The following PNOC variants were observed in gnomAD, a reference collection of about 807,000 sequenced individuals.
PNOC encodes nociceptin.
A neutral mutation model predicts 15.6 loss-of-function variants in PNOC; 10 were observed. The ratio of observed to expected loss-of-function variants is 0.64; its 90% CI spans 0.40 to 1.09. The LOEUF is 1.09. PNOC is among the 50% of genes least tolerant of loss of function. PNOC has a pLI of 0.01. For synonymous variants in PNOC, 98 were observed against 88.5 expected (o/e 1.11, Z -0.60); for missense variants, 220 against 223.9 (o/e 0.98, Z 0.11).
chr8:28,336,125 T>C (rs1318712248), intron 2 of PNOC, among the ~76,000 whole-genome samples: 1 of 152,182 alleles, frequency 6.6e-6, no homozygotes, highest in African/African-American at 2.4e-5. Flanking sequence ...CATTCCCTTC[T>C]TTTATACTCT....
At chr8:28,333,922 G>C (rs1801370087) in intron 2 of PNOC, among the ~76,000 whole-genome samples, 1 of 152,138 alleles carries the variant, frequency 6.6e-6, no homozygotes, top group Non-Finnish European at 1.5e-5. Flanking sequence ...CATCCCTGTT[G>C]ACTTTGTAGA....
At chr8:28,330,391 A>ATTTTTTTTTTTT (rs200641227) in intron 2 of PNOC, among the ~76,000 whole-genome samples, 13 of 76,080 alleles carry the variant, frequency 1.7e-4, no homozygotes, top group Admixed American at 3.3e-4. Flanking sequence ...ATTTTATTTT[A>ATTTTTTTTTTTT]TTTTATTTTT....
chr8:28,342,587 T>C (rs1011192654), intron 3 of PNOC, among the ~76,000 whole-genome samples: 2 of 152,182 alleles, frequency 1.3e-5, no homozygotes, highest in Admixed American at 1.3e-4. Flanking sequence ...AGGTTATCAG[T>C]GCCATCAGGC....
rs1339728877 is a variant in PNOC at position 28,328,062 on chromosome 8, T to C, written c.-23-1073T>C. On this transcript the variant is annotated intron_variant, in intron 1 of 3. Transcript: ENST00000301908. ...CAAAGGTTCCATCTCTCTCTCTCTT[T>C]TTTTTTTTTTTTTTTTTTTTTTTGA... is the stretch of plus-strand genomic sequence containing the variant. Among the ~76,000 whole-genome samples the C allele has an allele frequency of 4.7e-3, 201 of 43,040 alleles. 1 individual carries two copies. The highest frequency in any genetic ancestry group is 0.017 in the South Asian group (14 of 804). 28.2% of individuals were successfully genotyped at this position (43,040 alleles called of 152,430 possible).
chr8:28,339,200 G>A lies in PNOC; in HGVS notation c.287G>A (p.Arg96Gln). The change falls in exon 3 of 4, where the codon CGG (arginine) becomes CAG (glutamine). Residue 96 changes from arginine to glutamine, a missense_variant. Transcript: ENST00000301908. ...QPRASEMQHL[R>Q]RMPRVRSLFQ... ...AGAGCTTCGGAGATGCAGCATCTGCGGCGAATGCCCCGAGTCCGGAGCTTG... is the reference window on the plus strand; with the variant it reads ...AGAGCTTCGGAGATGCAGCATCTGCAGCGAATGCCCCGAGTCCGGAGCTTG... 3 of 1,613,332 alleles carry A rather than the reference G, an allele frequency of 1.9e-6. No homozygotes were observed. The highest frequency in any genetic ancestry group is 2.5e-6 in the Non-Finnish European group (3 of 1,179,270).
intron 2 of PNOC, among the ~76,000 whole-genome samples, chr8:28,336,805 A>G (rs1400417170): frequency 2.6e-5 from 4 of 151,986 alleles, no homozygotes; most frequent in African/African-American, 9.7e-5. Context: ...CCTAAGAGGC[A>G]CTTAGGCGGT....
chr8:28,339,267 T>C lies in PNOC; in HGVS notation c.354T>C (p.Ala118=), dbSNP rs1282316973. ...AGCCCGAGCCTGGCATGGAGGAGGC[T>C]GGTGAGATGGAGCAGAAGCAGCTGC... ...QEEPEPGMEE[A]GEMEQKQLQK... The change falls in exon 3 of 4, where the codon GCT becomes GCC. Residue 118 remains alanine (A), a synonymous_variant. Transcript: ENST00000301908. 2 of 1,608,318 alleles carry C rather than the reference T, an allele frequency of 1.2e-6. No individual in the cohort carries two copies. Among genetic ancestry groups the C allele is most frequent in the Non-Finnish European group, 1.7e-6 (2 of 1,175,276 alleles).
intron 2 of PNOC, among the ~76,000 whole-genome samples, chr8:28,334,039 A>T (rs1801371636): frequency 6.8e-6 from 1 of 146,958 alleles, no homozygotes. Flanking sequence ...CCTGGCCTCT[A>T]GGTGCCAGTA....
At chr8:28,332,771 C>T (rs1027602872) in intron 2 of PNOC, among the ~76,000 whole-genome samples, 7 of 152,008 alleles carry the variant, frequency 4.6e-5, no homozygotes, top group African/African-American at 1.5e-4. Context: ...GCCAACAAGG[C>T]GAAACCCTGT....
intron 2 of PNOC, among the ~76,000 whole-genome samples, chr8:28,331,374 C>T (rs1227856265): frequency 3.3e-5 from 5 of 152,146 alleles, no homozygotes; most frequent in South Asian, 2.1e-4. Flanking sequence ...AGCCCTCTCT[C>T]GGTCCATGTG....
chr8:28,324,275 A>C (rs1162604708), intron 1 of PNOC, among the ~76,000 whole-genome samples: 1 of 152,236 alleles, frequency 6.6e-6, no homozygotes, highest in African/African-American at 2.4e-5. Context: ...GGCAAGCATC[A>C]GTCAAACCAG....
chr8:28,326,923 A>G (rs547031867), intron 1 of PNOC, among the ~76,000 whole-genome samples: 81 of 152,310 alleles, frequency 5.3e-4, no homozygotes, highest in African/African-American at 1.8e-3. Flanking sequence ...GTGAGGCCCA[A>G]GAGTCTGCAT....
At chr8:28,318,943 A>G (rs995203655) in intron 1 of PNOC, among the ~76,000 whole-genome samples, 1 of 152,228 alleles carries the variant, frequency 6.6e-6, no homozygotes, top group Non-Finnish European at 1.5e-5. Flanking sequence ...CCTGGAGCCT[A>G]TGACAAGAGC....
intron 1 of PNOC, among the ~76,000 whole-genome samples, chr8:28,317,958 A>G (rs1375991396): frequency 3.3e-5 from 5 of 152,148 alleles, no homozygotes; most frequent in African/African-American, 9.7e-5. Flanking sequence ...TGTGAATTCC[A>G]GAGAGCATTT....
At chr8:28,342,327 C>T (rs1801534260) in intron 3 of PNOC, among the ~76,000 whole-genome samples, 1 of 139,554 alleles carries the variant, frequency 7.2e-6, no homozygotes, top group African/African-American at 2.7e-5. Flanking sequence ...GCACTCCAGC[C>T]TGGGCAACAA....
chr8:28,321,206 ATTTTTTTT>A (rs34876674), intron 1 of PNOC, among the ~76,000 whole-genome samples: 1 of 122,792 alleles, frequency 8.1e-6, no homozygotes, highest in South Asian at 2.6e-4. Context: ...ACCTAGCTAA[ATTTTTTTT>A]TTTTTTTTTT....
chr8:28,338,945 A>G (rs1585841170), intron 2 of PNOC, 95 bp from the exon 3 acceptor site: 3 of 1,224,340 alleles, frequency 2.5e-6, no homozygotes, highest in East Asian at 4.7e-5. Flanking sequence ...CTTCAGAAGC[A>G]CTTGCACTGG....
chr8:28,338,567 A>G (rs559728854), intron 2 of PNOC: 47 of 985,794 alleles, frequency 4.8e-5, no homozygotes, highest in Non-Finnish European at 5.3e-5. Flanking sequence ...TGGTGACCTT[A>G]AAATAAACCT....
intron 1 of PNOC, among the ~76,000 whole-genome samples, chr8:28,327,366 C>A (rs1171138502): frequency 1.3e-5 from 2 of 152,172 alleles, no homozygotes; most frequent in South Asian, 4.1e-4. Context: ...TCTAATCAAC[C>A]AATCCTTGGA....
Sources: gnomAD v4.1 joint callset for allele counts (sites outside exome capture counted in the v4.1 genomes callset) on GRCh38, gnomAD v4.1.1 for gene constraint, MANE v1.5 for transcripts, NCBI Gene and HGNC (gene_info 2026-07-23, HGNC 2026-07-21) for gene names.